Variants in FAM193A observed in about 807,000 individuals in gnomAD.
FAM193A encodes the protein family with sequence similarity 193 member A.
In FAM193A, 22 loss-of-function variants were observed where a neutral mutation model predicts 126.5. The ratio of observed to expected loss-of-function variants is 0.17; its 90% CI spans 0.12 to 0.25. The LOEUF (loss-of-function observed/expected upper bound fraction) is 0.25. FAM193A is among the 10% of genes least tolerant of loss of function. The pLI, the probability that FAM193A is intolerant of heterozygous loss-of-function variation, is 1.00. For missense variants in FAM193A, 1,675 were observed against 1,672.8 expected, an observed-to-expected ratio of 1.00 and a Z score of -0.02; for synonymous variants, 761 against 646.8, an observed-to-expected ratio of 1.18 and a Z score of -2.68.
chr4:2,694,114 C>A (rs573096367), intron 16 of FAM193A, among the ~76,000 whole-genome samples: 2 of 152,286 alleles, frequency 1.3e-5, no homozygotes, highest in African/African-American at 4.8e-5. Flanking sequence ...GGGCCAACTA[C>A]GCCTAAACAC....
At chr4:2,708,729 C>T (rs1718590304) in intron 19 of FAM193A, among the ~76,000 whole-genome samples, 1 of 152,168 alleles carries the variant, frequency 6.6e-6, no homozygotes, top group Non-Finnish European at 1.5e-5. Flanking sequence ...TCCCAAAGTG[C>T]TGGAATTAAC....
At chr4:2,601,716 C>T (rs1741207969) in intron 2 of FAM193A, among the ~76,000 whole-genome samples, 1 of 150,604 alleles carries the variant, frequency 6.6e-6, no homozygotes, top group African/African-American at 2.4e-5. Flanking sequence ...TAGAAAGACT[C>T]TGTCTCTATA....
chr4:2,592,809 G>T (rs746914539), intron 1 of FAM193A, among the ~76,000 whole-genome samples: 1 of 152,160 alleles, frequency 6.6e-6, no homozygotes, highest in Non-Finnish European at 1.5e-5. Context: ...AGCTGAGGGC[G>T]CATAAGCACA....
chr4:2,577,052 T>G (rs1051961304), intron 1 of FAM193A, among the ~76,000 whole-genome samples: 4 of 152,240 alleles, frequency 2.6e-5, no homozygotes, highest in African/African-American at 9.6e-5. Flanking sequence ...CAATGTTACC[T>G]TATCTAAGGT....
chr4:2,570,489 C>CT (rs900185919), intron 1 of FAM193A, among the ~76,000 whole-genome samples: 7 of 152,238 alleles, frequency 4.6e-5, no homozygotes, highest in African/African-American at 1.7e-4. Context: ...CTCCATATAT[C>CT]TTTAACTTTT....
chr4:2,620,335 T>A (rs1295690827), intron 2 of FAM193A, among the ~76,000 whole-genome samples: 1 of 152,178 alleles, frequency 6.6e-6, no homozygotes, highest in Non-Finnish European at 1.5e-5. Context: ...TAGGCACTGA[T>A]GTACCATAGT....
At chr4:2,676,606 T>C (rs1319341254) in intron 13 of FAM193A, among the ~76,000 whole-genome samples, 1 of 152,224 alleles carries the variant, frequency 6.6e-6, no homozygotes, top group African/African-American at 2.4e-5. Context: ...TTCTGTGGGT[T>C]GCCTTTTTAC....
chr4:2,644,638 G>A (rs2109044246), intron 6 of FAM193A, among the ~76,000 whole-genome samples: 1 of 152,166 alleles, frequency 6.6e-6, no homozygotes, highest in South Asian at 2.1e-4. Context: ...CTAAATGACT[G>A]CCCAGTTACA....
intron 13 of FAM193A, 77 bp from the exon 14 acceptor site, chr4:2,689,425 TTGTC>T (rs1716109970): frequency 9.9e-7 from 1 of 1,008,638 alleles, no homozygotes; most frequent in Non-Finnish European, 1.4e-6. Context: ...TCATAATGAA[TTGTC>T]TGTCTGTAGT....
At chr4:2,562,590 C>G (rs1738687716) in intron 1 of FAM193A, among the ~76,000 whole-genome samples, 1 of 151,670 alleles carries the variant, frequency 6.6e-6, no homozygotes, top group African/African-American at 2.4e-5. Flanking sequence ...TTGAACTTTA[C>G]AAAAGTGGCA....
chr4:2,669,082 AC>A (rs1185706167), intron 12 of FAM193A, among the ~76,000 whole-genome samples: 1 of 151,958 alleles, frequency 6.6e-6, no homozygotes, highest in Admixed American at 6.5e-5. Flanking sequence ...ACTTCAGGTG[AC>A]CTACCCGCCT....
chr4:2,575,089 C>G (rs1739509592), intron 1 of FAM193A, among the ~76,000 whole-genome samples: 1 of 152,336 alleles, frequency 6.6e-6, no homozygotes, highest in South Asian at 2.1e-4. Context: ...AGGCCTTCCA[C>G]CAAGAGACAT....
chr4:2,725,194 A>G (rs1360363216), intron 20 of FAM193A, among the ~76,000 whole-genome samples: 1 of 151,788 alleles, frequency 6.6e-6, no homozygotes, highest in African/African-American at 2.4e-5. Context: ...TCTATTTTTT[A>G]ATTAAATTAA....
At chr4:2,620,411 CAAG>C (rs748915174) in intron 2 of FAM193A, among the ~76,000 whole-genome samples, 3 of 152,106 alleles carry the variant, frequency 2.0e-5, no homozygotes, top group Non-Finnish European at 4.4e-5. Context: ...CATAAAAAAA[CAAG>C]AACACAGTAG....
chr4:2,674,407 C>T (rs1407512913), intron 13 of FAM193A, among the ~76,000 whole-genome samples: 3 of 152,196 alleles, frequency 2.0e-5, no homozygotes, highest in Non-Finnish European at 4.4e-5. Flanking sequence ...ATCAGAATTG[C>T]ACAAATTTCA....
intron 12 of FAM193A, among the ~76,000 whole-genome samples, chr4:2,665,942 G>T (rs1320101251): frequency 2.0e-5 from 3 of 152,150 alleles, no homozygotes; most frequent in African/African-American, 7.2e-5. Context: ...TGCCTCCCAG[G>T]TTCATGCCAT....
intron 1 of FAM193A, among the ~76,000 whole-genome samples, chr4:2,550,423 T>G (rs1427525841): frequency 6.6e-6 from 1 of 151,934 alleles, no homozygotes; most frequent in East Asian, 1.9e-4. Flanking sequence ...GAACCCCTCT[T>G]GGTCGTTTGT....
intron 17 of FAM193A, among the ~76,000 whole-genome samples, chr4:2,696,096 T>TA (rs1717003703): frequency 6.6e-6 from 1 of 152,128 alleles, no homozygotes; most frequent in Non-Finnish European, 1.5e-5. Context: ...CTTTTCAGTT[T>TA]AAAAAATCCA....
intron 20 of FAM193A, among the ~76,000 whole-genome samples, chr4:2,729,973 A>G (rs1014769626): frequency 1.3e-5 from 2 of 151,928 alleles, no homozygotes; most frequent in Admixed American, 6.6e-5. Flanking sequence ...GGGCACCATC[A>G]CAGCTCACTG....
Sources: allele counts gnomAD v4.1 joint callset (sites outside exome capture counted in the v4.1 genomes callset), GRCh38; gene constraint gnomAD v4.1.1; transcripts MANE v1.5; gene names NCBI Gene and HGNC (gene_info 2026-07-23, HGNC 2026-07-21).